RIMS1: variants seen among roughly 807,000 people sequenced by gnomAD.
RIMS1 encodes regulating synaptic membrane exocytosis protein 1.
A neutral mutation model predicts 214.1 loss-of-function variants in RIMS1; 83 were observed. That is an observed-to-expected ratio of 0.39 (90% CI 0.32 to 0.47). RIMS1 has a LOEUF of 0.47. Among genes scored for constraint, RIMS1 ranks in the 20% least tolerant of loss-of-function variants. RIMS1 has a pLI of 0.99. For missense variants in RIMS1, 2,050 were observed against 2,161.8 expected, an observed-to-expected ratio of 0.95 and a Z score of 1.03; for synonymous variants, 793 against 786.8, an observed-to-expected ratio of 1.01 and a Z score of -0.13.
chr6:72,156,470 G>T (rs2044458119), intron 4 of RIMS1, among the ~76,000 whole-genome samples: 1 of 140,160 alleles, frequency 7.1e-6, no homozygotes, highest in Admixed American at 7.3e-5. Context: ...CAGGGCCTGG[G>T]GGATGAAGGA....
intron 28 of RIMS1, among the ~76,000 whole-genome samples, chr6:72,332,239 G>T (rs754770654): frequency 1.3e-5 from 2 of 151,638 alleles, no homozygotes; most frequent in Non-Finnish European, 2.9e-5. Flanking sequence ...GATCAAAATG[G>T]TAATAAGGGT....
chr6:72,350,148 T>C (rs2097395907), intron 29 of RIMS1, among the ~76,000 whole-genome samples: 1 of 152,076 alleles, frequency 6.6e-6, no homozygotes, highest in Non-Finnish European at 1.5e-5. Flanking sequence ...GGGAAAAATA[T>C]TTAATAAATC....
intron 23 of RIMS1, among the ~76,000 whole-genome samples, chr6:72,279,907 C>T (rs2089198197): frequency 6.6e-6 from 1 of 151,800 alleles, no homozygotes; most frequent in Admixed American, 6.6e-5. Flanking sequence ...TCTATACTGC[C>T]TTGTTGCATC....
At chr6:71,992,446 CTTTCTCTT>C (rs1168342047) in intron 2 of RIMS1, among the ~76,000 whole-genome samples, 1 of 144,570 alleles carries the variant, frequency 6.9e-6, no homozygotes, top group Non-Finnish European at 1.5e-5. Flanking sequence ...TTCTTTCTTT[CTTTCTCTT>C]TCTCTTTCTT....
chr6:71,904,078 G>A (rs998739609), intron 1 of RIMS1, among the ~76,000 whole-genome samples: 10 of 152,050 alleles, frequency 6.6e-5, no homozygotes, highest in African/African-American at 2.4e-4. Flanking sequence ...TGAAAGGTCT[G>A]GAGGATACAG....
intron 6 of RIMS1, among the ~76,000 whole-genome samples, chr6:72,232,010 C>A (rs2062158932): frequency 6.6e-6 from 1 of 151,596 alleles, no homozygotes; most frequent in African/African-American, 2.4e-5. Flanking sequence ...TTGAGGGATA[C>A]AATAAACTTT....
At chr6:71,919,948 C>T (rs556317882) in intron 1 of RIMS1, among the ~76,000 whole-genome samples, 1 of 152,178 alleles carries the variant, frequency 6.6e-6, no homozygotes, top group Non-Finnish European at 1.5e-5. Context: ...CAACTCCAAG[C>T]TTCAACTCTG....
chr6:72,080,677 G>A (rs753404724), intron 2 of RIMS1, among the ~76,000 whole-genome samples: 1 of 152,050 alleles, frequency 6.6e-6, no homozygotes, highest in Non-Finnish European at 1.5e-5. Flanking sequence ...CCTACCACAG[G>A]GGCCCAGCCA....
At chr6:72,195,519 C>G (rs1196493990) in intron 6 of RIMS1, among the ~76,000 whole-genome samples, 4 of 151,960 alleles carry the variant, frequency 2.6e-5, no homozygotes, top group African/African-American at 9.7e-5. Flanking sequence ...TGTTAGGGTA[C>G]CAAGTGTAGA....
chr6:71,961,196 C>T (rs1231749646), intron 1 of RIMS1, among the ~76,000 whole-genome samples: 1 of 152,098 alleles, frequency 6.6e-6, no homozygotes, highest in Non-Finnish European at 1.5e-5. Flanking sequence ...GATTGTCCTG[C>T]ATGGATCTTT....
intron 4 of RIMS1, among the ~76,000 whole-genome samples, chr6:72,153,632 A>AC (rs1191298666): frequency 1.3e-5 from 2 of 152,100 alleles, no homozygotes; most frequent in Admixed American, 1.3e-4. Context: ...AGATAAAACT[A>AC]CCCCCAGTAT....
chr6:72,050,019 A>G (rs1006515492), intron 2 of RIMS1, among the ~76,000 whole-genome samples: 5 of 152,150 alleles, frequency 3.3e-5, no homozygotes, highest in Non-Finnish European at 5.9e-5. Context: ...TTACTTAGGG[A>G]AAAGGAAAAA....
chr6:72,045,056 C>T lies in RIMS1; in HGVS notation c.246-51893C>T, dbSNP rs528658070. Among the ~76,000 whole-genome samples the T allele has an allele frequency of 1.6e-4, 25 of 151,754 alleles. No homozygotes were observed. The South Asian group carries it at 3.1e-3, about 19-fold the overall frequency. ...CCATTGATACATACAACAACACTGA[C>T]GAATATCAAAAACGTCATGCTAAGT... On this transcript the variant is annotated intron_variant, in intron 2 of 33. Transcript: ENST00000521978.
intron 4 of RIMS1, among the ~76,000 whole-genome samples, chr6:72,110,027 T>C (rs2035705188): frequency 6.6e-6 from 1 of 152,134 alleles, no homozygotes; most frequent in Admixed American, 6.5e-5. Flanking sequence ...TGTGGCGTTA[T>C]TTCTGAGGGC....
At chr6:72,369,095 A>G (rs1429147350) in intron 29 of RIMS1, among the ~76,000 whole-genome samples, 1 of 150,016 alleles carries the variant, frequency 6.7e-6, no homozygotes, top group Non-Finnish European at 1.5e-5. Context: ...GAGCACAGTA[A>G]ATGTTATGGT....
intron 4 of RIMS1, among the ~76,000 whole-genome samples, chr6:72,165,101 T>A (rs1013435772): frequency 6.6e-6 from 1 of 152,068 alleles, no homozygotes; most frequent in African/African-American, 2.4e-5. Context: ...ATATTAAATA[T>A]TTTTTTCCAT....
intron 2 of RIMS1, among the ~76,000 whole-genome samples, chr6:72,075,756 G>C (rs546249398): frequency 1.3e-5 from 2 of 152,312 alleles, no homozygotes; most frequent in African/African-American, 4.8e-5. Context: ...GGGGGACACA[G>C]ATATTCAGTC....
intron 29 of RIMS1, among the ~76,000 whole-genome samples, chr6:72,348,538 A>G (rs563011969): frequency 1.3e-5 from 2 of 152,054 alleles, no homozygotes; most frequent in East Asian, 3.9e-4. Context: ...TTTAAATATT[A>G]ACTCTTTTAT....
chr6:72,087,692 C>T (rs962577388), intron 2 of RIMS1, among the ~76,000 whole-genome samples: 4 of 152,334 alleles, frequency 2.6e-5, no homozygotes, highest in Middle Eastern at 3.4e-3. Context: ...ACCACTTCCA[C>T]CTCTTGAAGG....
Sources: allele counts gnomAD v4.1 joint callset (sites outside exome capture counted in the v4.1 genomes callset), GRCh38; gene constraint gnomAD v4.1.1; transcripts MANE v1.5; gene names NCBI Gene and HGNC (gene_info 2026-07-23, HGNC 2026-07-21).